TAF4: variants seen among roughly 807,000 people sequenced by gnomAD.
TAF4 encodes TATA-box binding protein associated factor 4, also known as transcription initiation factor TFIID subunit 4.
TAF4 carries 9 observed loss-of-function variants against 90.3 expected under a neutral mutation model. That is an observed-to-expected ratio of 0.10 (90% CI 0.06 to 0.17). The LOEUF (loss-of-function observed/expected upper bound fraction) is 0.17, where lower values mean the gene tolerates loss of function less well. Ranked by LOEUF, TAF4 falls within the 10% of genes least tolerant of loss-of-function variation. The pLI is 1.00. For synonymous variants in TAF4, 818 were observed against 638.9 expected (o/e 1.28, Z -4.23); for missense variants, 1,351 against 1,370.7 (o/e 0.99, Z 0.23).
rs766221011 is a variant in TAF4 at position 62,064,554 on chromosome 20, G to A, written c.1257C>T (p.Thr419=). ...TCAGGGTGGCCCGAATCCCGCTGGT[G>A]GTGGCCGTGGGCGTCCGGGACAGGC... is the stretch of plus-strand genomic sequence containing the variant. The part of the protein sequence containing the change: ...TQSLSRTPTA[T]TSGIRATLTP... Residue 419 remains threonine (T), a synonymous_variant, in exon 1 of 15, where the codon ACC becomes ACT. Coordinates refer to ENST00000252996, the MANE Select transcript of TAF4 (RefSeq NM_003185.4). 4 of 1,520,264 alleles carry A rather than the reference G, an allele frequency of 2.6e-6. No individual in the cohort carries two copies. The highest frequency in any genetic ancestry group is 3.5e-6 in the Non-Finnish European group (4 of 1,138,960). 94.2% of individuals were successfully genotyped at this position (1,520,264 alleles called of 1,614,324 possible). A position where few individuals can be genotyped will look rare whatever the true frequency, so the allele number is the denominator to read the frequency against.
chr20:62,023,641 G>A (rs149000638), intron 1 of TAF4, among the ~76,000 whole-genome samples: 2,050 of 149,700 alleles, frequency 0.014, 44 homozygotes, highest in African/African-American at 0.048. Context: ...CCAGCTACTC[G>A]CCAGGCTGAG....
In TAF4 at chr20:61,998,156, G is replaced by A. The variant is rs1388942892; in HGVS notation, c.2950C>T (p.Leu984=). The change falls in exon 13 of 15, where the codon CTG becomes TTG. Residue 984 remains leucine, a synonymous_variant. Transcript: ENST00000252996. ...SRQEDPEQLR[L]KQKAKEMQQQ... The stretch of plus-strand genomic sequence containing the variant: ...CTCACCTCCTTTGCCTTCTGTTTCA[G>A]CCTTAACTGTTCTGGATCTTCTTGT... The A allele has an allele frequency of 1.2e-6, 2 of 1,613,950 alleles. No individual in the cohort carries two copies. The highest frequency in any genetic ancestry group is 3.3e-5 in the Admixed American group (2 of 59,968).
chr20:62,041,039 C>G (rs1568939917), intron 1 of TAF4, among the ~76,000 whole-genome samples: 1 of 152,254 alleles, frequency 6.6e-6, no homozygotes, highest in Non-Finnish European at 1.5e-5. Context: ...GATGCCCCTC[C>G]AAGTACTCTG....
intron 1 of TAF4, among the ~76,000 whole-genome samples, chr20:62,044,380 T>C (rs1204825761): frequency 2.0e-5 from 3 of 152,218 alleles, no homozygotes; most frequent in Non-Finnish European, 2.9e-5. Context: ...GTATGTGTAT[T>C]TTGAACCACA....
intron 4 of TAF4, among the ~76,000 whole-genome samples, 180 bp downstream of exon 4, chr20:62,009,866 C>G (rs6121499): frequency 6.6e-6 from 1 of 152,210 alleles, no homozygotes; most frequent in Non-Finnish European, 1.5e-5. Flanking sequence ...CGGAGCCCAC[C>G]TCACACAGCA....
intron 1 of TAF4, among the ~76,000 whole-genome samples, chr20:62,048,890 C>G (rs1480435466): frequency 6.9e-6 from 1 of 144,448 alleles, no homozygotes. Flanking sequence ...CCATTCCCCC[C>G]AGCCCTCTCC....
rs777945076 is a variant in TAF4, at chr20:62,013,574, G to A, written c.1522-640C>T. 1.2e-4 allele frequency among the ~76,000 whole-genome samples: 19 copies of A among 152,204 alleles called. 1 individual carries two copies. The highest frequency in any genetic ancestry group is 3.9e-4 in the African/African-American group (16 of 41,438). On this transcript the variant is annotated intron_variant, in intron 2 of 14. Transcript: ENST00000252996. Reference sequence around the variant, plus strand: ...ATCTGGGTGGTCTCTGGCAGCCTCCGGCACGTCCGTCCACGTCCCTGTCTA... The same window carrying A: ...ATCTGGGTGGTCTCTGGCAGCCTCCAGCACGTCCGTCCACGTCCCTGTCTA...
At chr20:62,064,023 G>C (rs546017341) in intron 1 of TAF4, among the ~76,000 whole-genome samples, 2 of 152,216 alleles carry the variant, frequency 1.3e-5, no homozygotes, top group Non-Finnish European at 2.9e-5. Context: ...CTGAGCAGGG[G>C]ACAGCTGCTG....
chr20:62,063,242 T>C (rs969522681), intron 1 of TAF4, among the ~76,000 whole-genome samples: 2 of 152,138 alleles, frequency 1.3e-5, no homozygotes, highest in African/African-American at 4.8e-5. Flanking sequence ...GAACCTCACA[T>C]ACTTGGACAA....
chr20:62,049,042 C>T (rs921267638), intron 1 of TAF4, among the ~76,000 whole-genome samples: 5 of 149,726 alleles, frequency 3.3e-5, no homozygotes, highest in Non-Finnish European at 1.5e-5. Flanking sequence ...CCCCCTCCCC[C>T]AGTCCTCTCC....
At chr20:62,002,662 T>C (rs1385853857) in intron 9 of TAF4, among the ~76,000 whole-genome samples, 1 of 152,184 alleles carries the variant, frequency 6.6e-6, no homozygotes, top group East Asian at 1.9e-4. Flanking sequence ...GGCTAATTTT[T>C]TATTTTTTGT....
At chr20:62,044,935 C>A (rs561144144) in intron 1 of TAF4, among the ~76,000 whole-genome samples, 2 of 152,222 alleles carry the variant, frequency 1.3e-5, no homozygotes, top group East Asian at 3.9e-4. Context: ...GAGCGAAGGC[C>A]AGGAGGAGAC....
At chr20:61,977,820 G>C (rs1461195707) in intron 14 of TAF4, among the ~76,000 whole-genome samples, 1 of 152,190 alleles carries the variant, frequency 6.6e-6, no homozygotes, top group Non-Finnish European at 1.5e-5. Flanking sequence ...TGAGGGCAGG[G>C]CTCTCACAGG....
chr20:62,005,288 T>C (rs2055737614), intron 7 of TAF4: 1 of 152,270 alleles, frequency 6.6e-6, no homozygotes, highest in Non-Finnish European at 1.5e-5. Context: ...GGCAATGGAT[T>C]GGATGCCCTG....
At position 61,989,188 on chromosome 20, in the gene TAF4, A is replaced by G. The variant is rs146804606; in HGVS notation, c.3090+8362T>C. On this transcript the variant is annotated intron_variant, in intron 14 of 14. Transcript: ENST00000252996. ...GGGCGCACACCACACACTCCCCTAC[A>G]TGCATTTGGGTCCCGAGCTCTGGCT... Among the ~76,000 whole-genome samples the G allele has an allele frequency of 1.6e-3, 246 of 152,022 alleles. No individual in the cohort carries two copies. In the Middle Eastern group the frequency reaches 0.017, roughly 11 times the overall value.
At chr20:62,026,286 G>A (rs1351665115) in intron 1 of TAF4, among the ~76,000 whole-genome samples, 2 of 152,104 alleles carry the variant, frequency 1.3e-5, no homozygotes, top group Non-Finnish European at 2.9e-5. Context: ...ACCTGACCCC[G>A]TGAGCAACAC....
intron 1 of TAF4, among the ~76,000 whole-genome samples, chr20:62,025,910 C>T (rs1230105595): frequency 6.6e-6 from 1 of 152,186 alleles, no homozygotes; most frequent in Non-Finnish European, 1.5e-5. Context: ...GTTCACCATG[C>T]TGACCCTGGG....
At chr20:62,053,392 C>G (rs186370634) in intron 1 of TAF4, among the ~76,000 whole-genome samples, 1 of 152,230 alleles carries the variant, frequency 6.6e-6, no homozygotes, top group Non-Finnish European at 1.5e-5. Flanking sequence ...AGCTCTCTGC[C>G]GCTCTGGATC....
rs1401106087 is a variant in TAF4 at position 62,006,678 on chromosome 20, G to A, written c.2055C>T (p.Pro685=). Residue 685 remains proline (P), a synonymous_variant, in exon 7 of 15, where the codon CCC becomes CCT. Transcript: ENST00000252996. This position sits in a 1 kb window ranked among gnomAD's most constrained non-coding sequence, Gnocchi z 7.0. The part of the protein sequence containing the change: ...IQQSQQQPPP[P]TSQATTALTA... ...TGAGCGCAGTGGTGGCCTGCGAGGT[G>A]GGCGGTGGCGGCTGCTGCTGGCTCT... 4 of 1,595,022 alleles carry A rather than the reference G, an allele frequency of 2.5e-6. No homozygotes were observed. The highest frequency in any genetic ancestry group is 3.4e-6 in the Non-Finnish European group (4 of 1,167,370).
Sources: gnomAD v4.1 joint callset for allele counts (sites outside exome capture counted in the v4.1 genomes callset) on GRCh38, gnomAD v4.1.1 for gene constraint, Gnocchi (gnomAD v3.1) non-coding constraint, MANE v1.5 for transcripts, NCBI Gene and HGNC (gene_info 2026-07-23, HGNC 2026-07-21) for gene names.